USP15: variants seen among roughly 807,000 people sequenced by gnomAD.
USP15 encodes the protein ubiquitin carboxyl-terminal hydrolase 15.
A neutral mutation model predicts 127.1 loss-of-function variants in USP15; 18 were observed. The ratio of observed to expected loss-of-function variants is 0.14; its 90% confidence interval spans 0.10 to 0.21. The LOEUF is 0.21. Among genes scored for constraint, USP15 ranks in the 10% least tolerant of loss-of-function variants. The probability of loss-of-function intolerance (pLI) is 1.00; values close to 1 mark genes in which losing one functional copy is unlikely to be tolerated. For synonymous variants in USP15, 364 were observed against 393.7 expected (o/e 0.92, Z 0.89); for missense variants, 805 against 1,159.9 (o/e 0.69, Z 4.44).
chr12:62,415,913 T>G lies in USP15; in HGVS notation c.*11538T>G, dbSNP rs1456401446. On this transcript the variant is annotated 3_prime_UTR_variant, in exon 22 of 22. Coordinates refer to ENST00000280377, the MANE Select transcript of USP15 (RefSeq NM_001252078.2). ...AAGAAGTACCCAACTATGGGAATGA[T>G]TGTTCCTTCCTTATGAATGAGAGCA... 1.3e-5 allele frequency: 2 copies of G among 152,166 alleles called. No individual in the cohort carries two copies. Among genetic ancestry groups the G allele is most frequent in the African/African-American group, 2.4e-5 (1 of 41,450 alleles). 9.4% of individuals were successfully genotyped at this position (152,166 alleles called of 1,614,324 possible).
At chr12:62,401,333 A>G in intron 21 of USP15, 58 bp downstream of exon 21, 1 of 1,342,142 alleles carries the variant, frequency 7.5e-7, no homozygotes, top group Non-Finnish European at 1.0e-6. Context: ...AGGAGTGAAT[A>G]TAAATTAATA....
At chr12:62,349,790 G>A (rs1028095409) in intron 7 of USP15, among the ~76,000 whole-genome samples, 2 of 151,934 alleles carry the variant, frequency 1.3e-5, no homozygotes, top group African/African-American at 4.8e-5. Context: ...TAGAATCATG[G>A]AATTTATAAA....
intron 9 of USP15, 80 bp from the exon 10 acceptor site, chr12:62,383,760 A>C: frequency 7.1e-7 from 1 of 1,407,592 alleles, no homozygotes; most frequent in Non-Finnish European, 9.5e-7. Flanking sequence ...GAATCCATGA[A>C]TAATGAGAAT....
At chr12:62,371,016 C>CT (rs1469009496) in intron 8 of USP15, among the ~76,000 whole-genome samples, 1 of 152,258 alleles carries the variant, frequency 6.6e-6, no homozygotes, top group Non-Finnish European at 1.5e-5. Context: ...GCTTAAGCAT[C>CT]TTTTTTGTGA....
chr12:62,275,438 A>G (rs1156595357), intron 1 of USP15, among the ~76,000 whole-genome samples: 1 of 151,434 alleles, frequency 6.6e-6, no homozygotes, highest in Non-Finnish European at 1.5e-5. Flanking sequence ...TAATTTTTAG[A>G]GGGATTAATA....
At chr12:62,318,113 C>A (rs2064882485) in intron 4 of USP15, among the ~76,000 whole-genome samples, 1 of 152,164 alleles carries the variant, frequency 6.6e-6, no homozygotes, top group Non-Finnish European at 1.5e-5. Flanking sequence ...ACTGTCAGTC[C>A]TTTGACCATT....
intron 6 of USP15, among the ~76,000 whole-genome samples, chr12:62,345,736 C>T (rs1299687176): frequency 2.6e-5 from 4 of 152,078 alleles, no homozygotes; most frequent in Non-Finnish European, 2.9e-5. Flanking sequence ...AACAGTTCCA[C>T]GTTTCTGGGG....
intron 2 of USP15, among the ~76,000 whole-genome samples, chr12:62,297,858 G>T (rs1032271151): frequency 2.0e-5 from 3 of 152,078 alleles, no homozygotes; most frequent in African/African-American, 7.2e-5. Context: ...GCCTGACAGA[G>T]AATTCAAAAT....
chr12:62,295,457 T>C (rs2064102201), intron 2 of USP15, among the ~76,000 whole-genome samples: 1 of 152,172 alleles, frequency 6.6e-6, no homozygotes, highest in Non-Finnish European at 1.5e-5. Flanking sequence ...TACAAAAATA[T>C]CCAGCATACA....
chr12:62,312,937 T>A (rs1025735210), intron 3 of USP15, among the ~76,000 whole-genome samples: 1 of 151,654 alleles, frequency 6.6e-6, no homozygotes, highest in Admixed American at 6.6e-5. Context: ...TTTCTTTTTA[T>A]GGTGCTGTTA....
chr12:62,274,726 A>G (rs1190382009), intron 1 of USP15, among the ~76,000 whole-genome samples: 1 of 152,138 alleles, frequency 6.6e-6, no homozygotes, highest in Non-Finnish European at 1.5e-5. Context: ...AGGGAAGAAA[A>G]AGGTTGCTCT....
Position 62,404,420 on chromosome 12 carries a change from T to A in USP15, c.*45T>A. Reference sequence around the variant, plus strand: ...AAAAGAGACACTTTCCTGCTGGTGGTATCTATGGAAATGATGAAGTTACCC... The same window carrying A: ...AAAAGAGACACTTTCCTGCTGGTGGAATCTATGGAAATGATGAAGTTACCC... On this transcript the variant is annotated 3_prime_UTR_variant, in exon 22 of 22. Transcript: ENST00000280377. The A allele has an allele frequency of 6.7e-7, 1 of 1,499,390 alleles. No individual in the cohort carries two copies. The highest frequency in any genetic ancestry group is 2.4e-5 in the East Asian group (1 of 41,398). 92.9% of individuals were successfully genotyped at this position (1,499,390 alleles called of 1,614,324 possible). A position where few individuals can be genotyped will look rare whatever the true frequency, so the allele number is the denominator to read the frequency against.
At chr12:62,340,409 T>C (rs971319179) in intron 6 of USP15, among the ~76,000 whole-genome samples, 2 of 152,136 alleles carry the variant, frequency 1.3e-5, no homozygotes, top group Admixed American at 6.5e-5. Context: ...CTGATCTTAG[T>C]TGTTTCTTGT....
At chr12:62,266,524 C>G (rs906653572) in intron 1 of USP15, among the ~76,000 whole-genome samples, 4 of 151,952 alleles carry the variant, frequency 2.6e-5, no homozygotes, top group African/African-American at 7.3e-5. Context: ...ATTTTGCTAT[C>G]TTAGTCTTGA....
chr12:62,353,244 T>C (rs2066015304), intron 7 of USP15, among the ~76,000 whole-genome samples: 1 of 152,042 alleles, frequency 6.6e-6, no homozygotes, highest in African/African-American at 2.4e-5. Context: ...GTAGATATTA[T>C]TTAGGGATTT....
At chr12:62,268,517 A>C in intron 1 of USP15, among the ~76,000 whole-genome samples, 1 of 152,042 alleles carries the variant, frequency 6.6e-6, no homozygotes, top group East Asian at 1.9e-4. Context: ...TAATTAACAT[A>C]TCTCTGTTTT....
At chr12:62,287,974 C>T (rs1055491902) in intron 1 of USP15, among the ~76,000 whole-genome samples, 18 of 152,274 alleles carry the variant, frequency 1.2e-4, no homozygotes, top group African/African-American at 4.3e-4. Context: ...CAGTACCATG[C>T]TGCTTTGGTT....
intron 6 of USP15, among the ~76,000 whole-genome samples, chr12:62,344,177 G>A (rs1227924145): frequency 3.3e-5 from 5 of 152,144 alleles, no homozygotes; most frequent in Admixed American, 3.3e-4. Context: ...GACAAGGCAA[G>A]TCCCTTCCAC....
At chr12:62,278,997 A>G (rs879638563) in intron 1 of USP15, 2 of 152,152 alleles carry the variant, frequency 1.3e-5, no homozygotes, top group Admixed American at 6.5e-5. Context: ...GTCTATATCA[A>G]CTTTTTTCAT....
Sources: gnomAD v4.1 joint callset for allele counts (sites outside exome capture counted in the v4.1 genomes callset) on GRCh38, gnomAD v4.1.1 for gene constraint, MANE v1.5 for transcripts, NCBI Gene and HGNC (gene_info 2026-07-23, HGNC 2026-07-21) for gene names.